The following ACSL1 variants were observed in gnomAD, a reference collection of about 807,000 sequenced individuals.
ACSL1 encodes the protein acyl-CoA synthetase long chain family member 1.
In ACSL1, 41 loss-of-function variants were observed where a neutral mutation model predicts 98.4. The observed-to-expected ratio is 0.42, with a 90% CI of 0.32 to 0.54. The LOEUF is 0.54. ACSL1 is among the 20% of genes least tolerant of loss of function. The probability of loss-of-function intolerance (pLI) is 0.13; values close to 1 mark genes in which losing one functional copy is unlikely to be tolerated. For synonymous variants in ACSL1, 316 were observed against 322.7 expected, an observed-to-expected ratio of 0.98 and a Z score of 0.22; for missense variants, 734 against 883.1, an observed-to-expected ratio of 0.83 and a Z score of 2.14.
At chr4:184,817,347 A>G (rs1413055406) in intron 1 of ACSL1, among the ~76,000 whole-genome samples, 3 of 152,190 alleles carry the variant, frequency 2.0e-5, no homozygotes, top group Non-Finnish European at 4.4e-5. Context: ...TAAACCATAT[A>G]CAAGTATTTT....
At chr4:184,765,163 G>A (rs2150286063) in intron 14 of ACSL1, among the ~76,000 whole-genome samples, 1 of 152,278 alleles carries the variant, frequency 6.6e-6, no homozygotes, top group East Asian at 1.9e-4. Flanking sequence ...GAACCCCTAT[G>A]TGACTGGTCA....
chr4:184,817,099 C>T (rs998368289), intron 1 of ACSL1, among the ~76,000 whole-genome samples: 4 of 152,156 alleles, frequency 2.6e-5, no homozygotes, highest in Non-Finnish European at 4.4e-5. Context: ...ACAAAACATA[C>T]TCTGGAGTTA....
chr4:184,783,478 T>C (rs1439344935), intron 4 of ACSL1, among the ~76,000 whole-genome samples: 1 of 152,210 alleles, frequency 6.6e-6, no homozygotes, highest in Non-Finnish European at 1.5e-5. Flanking sequence ...GCCTTGCTTC[T>C]GGTCCTGGTT....
Position 184,821,255 on chromosome 4 carries a change from C to T in ACSL1, c.-33+4661G>A, listed in dbSNP as rs377658935. ...TGGACCCTGAAGGAGAAACTAGCTC[C>T]GGAAGCACTTTCTCATGACTCTGCT... On this transcript the variant is annotated intron_variant, in intron 1 of 20. Transcript: ENST00000281455. 8.3e-4 allele frequency: 300 copies of T among 359,756 alleles called. 1 individual carries two copies. Among genetic ancestry groups the T allele is most frequent in the African/African-American group, 5.5e-3 (257 of 46,920 alleles). The allele number at this position is 359,756 out of a possible 1,614,324, so 22.3% of individuals were successfully genotyped here.
chr4:184,792,941 G>A (rs542510640), intron 2 of ACSL1, among the ~76,000 whole-genome samples: 4 of 152,276 alleles, frequency 2.6e-5, no homozygotes, highest in East Asian at 1.9e-4. Flanking sequence ...GTAAGTCCAC[G>A]TAGCTATTTC....
chr4:184,793,611 G>C (rs1768801448), intron 2 of ACSL1, among the ~76,000 whole-genome samples: 1 of 152,212 alleles, frequency 6.6e-6, no homozygotes, highest in Non-Finnish European at 1.5e-5. Flanking sequence ...TGTTGCTACT[G>C]TTTATGCAGG....
rs1450921414 is a variant in ACSL1 at position 184,825,718 on chromosome 4, C to T, written c.-33+198G>A. Among the ~76,000 whole-genome samples the T allele has an allele frequency of 1.3e-5, 2 of 149,844 alleles. No individual in the cohort carries two copies. Among genetic ancestry groups the T allele is most frequent in the Non-Finnish European group, 3.0e-5 (2 of 67,028 alleles). ...GCAGCACGGGCACCCCGGAGGCCTC[C>T]GGCTGCCGAGGGAAGCGGGGCCGCG... is the stretch of plus-strand genomic sequence containing the variant. On this transcript the variant is annotated intron_variant, in intron 1 of 20. Transcript: ENST00000281455. The surrounding 1 kb of genome is among the most constrained non-coding windows in gnomAD (Gnocchi z 4.7).
chr4:184,777,797 C>G (rs1197670870), intron 5 of ACSL1, among the ~76,000 whole-genome samples: 2 of 147,882 alleles, frequency 1.4e-5, no homozygotes, highest in Admixed American at 6.8e-5. Context: ...GAGAGAGAGA[C>G]AGAGACAGAG....
intron 1 of ACSL1, among the ~76,000 whole-genome samples, chr4:184,811,405 C>CCCGG (rs1772103146): frequency 6.6e-6 from 1 of 152,132 alleles, no homozygotes; most frequent in Non-Finnish European, 1.5e-5. Context: ...AGCCACCGCG[C>CCCGG]CCAGCTGCAC....
chr4:184,801,100 C>G (rs1770435588), intron 2 of ACSL1, among the ~76,000 whole-genome samples: 1 of 151,228 alleles, frequency 6.6e-6, no homozygotes, highest in Non-Finnish European at 1.5e-5. Context: ...AAGCAATCCT[C>G]TCACCTCGGC....
chr4:184,776,841 C>T (rs368224021), intron 6 of ACSL1, 43 bp downstream of exon 6: 109 of 1,596,016 alleles, frequency 6.8e-5, no homozygotes, highest in Non-Finnish European at 8.8e-5. Flanking sequence ...CTGAACCTAA[C>T]CAATAACTAT....
chr4:184,785,600 C>CGGGGGGGGGGG (rs1174393165), intron 3 of ACSL1, among the ~76,000 whole-genome samples: 1 of 19,146 alleles, frequency 5.2e-5, no homozygotes, highest in African/African-American at 8.0e-5. Context: ...TCCTCCTGGG[C>CGGGGGGGGGGG]GGGGGCGGGG....
At chr4:184,769,070 A>AATAT (rs34360556) in intron 11 of ACSL1, among the ~76,000 whole-genome samples, 11,587 of 147,430 alleles carry the variant, frequency 0.079, 575 homozygotes, top group East Asian at 0.2. Context: ...CTCTGTCTCA[A>AATAT]ATATATATAT....
rs939903349 is a variant in ACSL1, at chr4:184,758,082, C to T, written c.1783-162G>A. The T allele has an allele frequency of 4.7e-6, 3 of 636,962 alleles. No individual in the cohort carries two copies. The African/African-American group carries it at 5.5e-5, about 12-fold the overall frequency. The allele number at this position is 636,962 out of a possible 1,614,324, so 39.5% of individuals were successfully genotyped here. ...CCCTCCCCCAGGAGTTCACTCAGCC[C>T]AGATTAAGAACTCCTGGCTCTAAAA... On this transcript the variant is annotated intron_variant, in intron 18 of 20. Transcript: ENST00000281455.
chr4:184,809,595 A>C (rs1279977466), intron 1 of ACSL1, among the ~76,000 whole-genome samples: 1 of 152,050 alleles, frequency 6.6e-6, no homozygotes, highest in Non-Finnish European at 1.5e-5. Flanking sequence ...GATCAAGACC[A>C]TCCTGGCTAA....
chr4:184,766,025 C>A lies in ACSL1; in HGVS notation c.1264-39G>T, dbSNP rs1421517864. 1.2e-6 allele frequency: 2 copies of A among 1,604,266 alleles called. No individual in the cohort carries two copies. The highest frequency in any genetic ancestry group is 2.2e-5 in the East Asian group (1 of 44,788). The stretch of plus-strand genomic sequence containing the variant: ...AGAGTGGGAGAAGGTGAGGGTTACA[C>A]ACCTGGAAGTCGGCGGCCTCTCCGC... On this transcript the variant is annotated intron_variant, in intron 13 of 20. Coordinates refer to ENST00000281455, the MANE Select transcript of ACSL1 (RefSeq NM_001995.5). This position sits in a 1 kb window ranked among gnomAD's most constrained non-coding sequence, Gnocchi z 4.8.
At chr4:184,801,238 T>G (rs1770459438) in intron 2 of ACSL1, among the ~76,000 whole-genome samples, 1 of 152,198 alleles carries the variant, frequency 6.6e-6, no homozygotes, top group Non-Finnish European at 1.5e-5. Context: ...AATCAGTAGC[T>G]GGGAAACAGC....
intron 1 of ACSL1, among the ~76,000 whole-genome samples, chr4:184,804,668 A>C (rs911941677): frequency 6.6e-6 from 1 of 151,658 alleles, no homozygotes. Context: ...GGGACATATG[A>C]CCTCCCTTCC....
intron 1 of ACSL1, among the ~76,000 whole-genome samples, chr4:184,804,143 G>C (rs938752817): frequency 6.6e-6 from 1 of 152,222 alleles, no homozygotes; most frequent in African/African-American, 2.4e-5. Flanking sequence ...CTGGTAAGAT[G>C]AGTTTCTTTT....
Sources: allele counts gnomAD v4.1 joint callset (sites outside exome capture counted in the v4.1 genomes callset), GRCh38; gene constraint gnomAD v4.1.1; non-coding constraint Gnocchi (gnomAD v3.1); transcripts MANE v1.5; gene names NCBI Gene and HGNC (gene_info 2026-07-23, HGNC 2026-07-21).